The following NSA2 variants were observed in gnomAD, a reference collection of about 807,000 sequenced individuals.
The protein encoded by NSA2 is NSA2 ribosome biogenesis factor, also known as ribosome biogenesis protein NSA2 homolog.
In NSA2, 18 loss-of-function variants were observed where a neutral mutation model predicts 34.8. The ratio of observed to expected loss-of-function variants is 0.52; its 90% CI spans 0.36 to 0.77. The LOEUF (loss-of-function observed/expected upper bound fraction) is 0.77. Ranked by LOEUF, NSA2 falls within the 30% of genes least tolerant of loss-of-function variation. NSA2 has a pLI of 0.00. For missense variants in NSA2, 188 were observed against 314.7 expected (o/e 0.60, Z 3.05); for synonymous variants, 79 against 100.2 (o/e 0.79, Z 1.26).
chr5:74,771,219 G>T (rs1407785542), intron 4 of NSA2, among the ~76,000 whole-genome samples: 1 of 151,644 alleles, frequency 6.6e-6, no homozygotes, highest in East Asian at 1.9e-4. Flanking sequence ...GGCGGAGGTT[G>T]CAGTGAGCTG....
chr5:74,769,510 T>TA (rs1744849065), intron 3 of NSA2, 146 bp downstream of exon 3: 1 of 642,066 alleles, frequency 1.6e-6, no homozygotes, highest in African/African-American at 1.9e-5. Flanking sequence ...GTAAATTTAA[T>TA]AAAAAACTTG....
chr5:74,780,028 T>A lies in NSA2; in HGVS notation c.*3357T>A, dbSNP rs777570421. On this transcript the variant is annotated 3_prime_UTR_variant, in exon 6 of 6. Coordinates refer to ENST00000610426, the MANE Select transcript of NSA2 (RefSeq NM_014886.6). ...AGTGCAAATTTGAGTACACATAATA[T>A]TTCCAAAGAGTAGAACTGTTTTTAG... The A allele has an allele frequency of 2.6e-5, 4 of 152,120 alleles. No homozygotes were observed. The highest frequency in any genetic ancestry group is 5.9e-5 in the Non-Finnish European group (4 of 68,036). The allele number at this position is 152,120 out of a possible 1,614,324, so 9.4% of individuals were successfully genotyped here.
rs952615019 is a variant in NSA2, at chr5:74,778,538, T to C, written c.*1867T>C. 6 of 152,020 alleles carry C rather than the reference T, an allele frequency of 3.9e-5. No homozygotes were observed. The highest frequency in any genetic ancestry group is 5.9e-5 in the Non-Finnish European group (4 of 67,900). 9.4% of individuals were successfully genotyped at this position (152,020 alleles called of 1,614,324 possible). A position where few individuals can be genotyped will look rare whatever the true frequency, so the allele number is the denominator to read the frequency against. ...CCATCTACACTGAATGGAAATACCA[T>C]GAATATAGACACATTTTAAGTAGAA... On this transcript the variant is annotated 3_prime_UTR_variant, in exon 6 of 6. Coordinates refer to ENST00000610426, the MANE Select transcript of NSA2 (RefSeq NM_014886.6).
At chr5:74,773,488 A>T (rs889908443) in intron 4 of NSA2, among the ~76,000 whole-genome samples, 6 of 151,570 alleles carry the variant, frequency 4.0e-5, no homozygotes, top group Admixed American at 1.3e-4. Context: ...AAAAAAAAAA[A>T]AATAAGCTAG....
chr5:74,775,938 TATG>T (rs928861044), intron 5 of NSA2, among the ~76,000 whole-genome samples: 3 of 152,172 alleles, frequency 2.0e-5, no homozygotes, highest in African/African-American at 7.2e-5. Flanking sequence ...AGTTTTAAAA[TATG>T]TTGTTACCTT....
In NSA2 at chr5:74,779,528, ACAGAG is replaced by A. The variant is rs369659863; in HGVS notation, c.*2858_*2862del. ...AAGATTAAGAATTTACTGAATCTTAACAGAGTATTTCCCTTTGTGATATTGACAGA... is the reference window on the plus strand; with the variant it reads ...AAGATTAAGAATTTACTGAATCTTAATATTTCCCTTTGTGATATTGACAGA... On this transcript the variant is annotated 3_prime_UTR_variant, in exon 6 of 6. Coordinates refer to ENST00000610426, the MANE Select transcript of NSA2 (RefSeq NM_014886.6). 657 of 152,304 alleles carry A rather than the reference ACAGAG, an allele frequency of 4.3e-3. 9 individuals carry two copies. The highest frequency in any genetic ancestry group is 0.015 in the African/African-American group (619 of 41,570). The allele number at this position is 152,304 out of a possible 1,614,324, so 9.4% of individuals were successfully genotyped here.
Position 74,768,912 on chromosome 5 carries a change from A to G in NSA2, c.4-19A>G. On this transcript the variant is annotated intron_variant, in intron 1 of 5. Transcript: ENST00000610426. ...CAGTACTTTAAAAAATTAAAATAATATTTCTTCCATCATTATAGCCACAGA... is the reference window on the plus strand; with the variant it reads ...CAGTACTTTAAAAAATTAAAATAATGTTTCTTCCATCATTATAGCCACAGA... 2 of 1,513,124 alleles carry G rather than the reference A, an allele frequency of 1.3e-6. No homozygotes were observed. The highest frequency in any genetic ancestry group is 1.8e-6 in the Non-Finnish European group (2 of 1,126,540). 93.7% of individuals were successfully genotyped at this position (1,513,124 alleles called of 1,614,324 possible). A position where few individuals can be genotyped will look rare whatever the true frequency, so the allele number is the denominator to read the frequency against.
At chr5:74,774,338 C>T (rs747345333) in intron 5 of NSA2, among the ~76,000 whole-genome samples, 3 of 152,152 alleles carry the variant, frequency 2.0e-5, no homozygotes, top group Admixed American at 6.5e-5. Context: ...CAGCAGCTCA[C>T]GCATGTAAAT....
chr5:74,768,324 G>A (rs1164693), intron 1 of NSA2, among the ~76,000 whole-genome samples: 2,224 of 152,282 alleles, frequency 0.015, 22 homozygotes, highest in Middle Eastern at 0.02. Flanking sequence ...CAAATTGGGT[G>A]AATCCCAAAA....
chr5:74,769,153 A>T, intron 2 of NSA2, 35 bp downstream of exon 2: 1 of 1,594,318 alleles, frequency 6.3e-7, no homozygotes, highest in Non-Finnish European at 8.5e-7. Flanking sequence ...TAACAAGTTA[A>T]CATCTTTTGA....
intron 3 of NSA2, among the ~76,000 whole-genome samples, chr5:74,770,023 A>G (rs144085868): frequency 2.2e-3 from 333 of 152,310 alleles, no homozygotes; most frequent in African/African-American, 7.7e-3. Flanking sequence ...TAGTAAACAC[A>G]TATACTGCTT....
chr5:74,775,206 ACT>A (rs752046276), intron 5 of NSA2, among the ~76,000 whole-genome samples: 1 of 150,172 alleles, frequency 6.7e-6, no homozygotes, highest in African/African-American at 2.5e-5. Context: ...ACAGAGCGAG[ACT>A]CTGTCTCAAA....
chr5:74,774,911 C>T (rs539107576), intron 5 of NSA2, among the ~76,000 whole-genome samples: 7 of 152,212 alleles, frequency 4.6e-5, no homozygotes, highest in Admixed American at 2.0e-4. Context: ...ATCTGTCCCA[C>T]GTAGGTAAAC....
At chr5:74,774,151 A>T (rs556093009) in intron 5 of NSA2, 91 bp downstream of exon 5, 12 of 834,558 alleles carry the variant, frequency 1.4e-5, no homozygotes, top group African/African-American at 6.9e-5. Context: ...TATACAGCAA[A>T]TTTTTTTAAT....
intron 4 of NSA2, among the ~76,000 whole-genome samples, chr5:74,771,308 G>A (rs913238164): frequency 6.6e-6 from 1 of 151,834 alleles, no homozygotes; most frequent in African/African-American, 2.4e-5. Flanking sequence ...TTTCAGCTTC[G>A]TGAGAGATTT....
intron 4 of NSA2, chr5:74,771,683 TAA>T (rs1286817045): frequency 2.1e-5 from 3 of 140,030 alleles, no homozygotes; most frequent in African/African-American, 2.6e-5. Context: ...CCATCTCTAC[TAA>T]AAAAAAAAAA....
intron 3 of NSA2, 177 bp downstream of exon 3, chr5:74,769,541 A>G: frequency 2.1e-6 from 1 of 481,158 alleles, no homozygotes; most frequent in Non-Finnish European, 3.5e-6. Flanking sequence ...ATAAGGTTTT[A>G]AAATTTAAGT....
At position 74,777,586 on chromosome 5, in the gene NSA2, GTTTA is replaced by G. The variant is rs1304036697; in HGVS notation, c.*919_*922del. The G allele has an allele frequency of 6.8e-6, 1 of 146,068 alleles. No homozygotes were observed. Among genetic ancestry groups the G allele is most frequent in the African/African-American group, 2.6e-5 (1 of 37,880 alleles). The allele number at this position is 146,068 out of a possible 1,614,324, so 9.0% of individuals were successfully genotyped here. On this transcript the variant is annotated 3_prime_UTR_variant, in exon 6 of 6. Transcript: ENST00000610426. ...TATAATCACCACATTGTTTTAAATTGTTTATTTTTTTTTTAAAGAAGTCTGTCTT... is the reference window on the plus strand; with the variant it reads ...TATAATCACCACATTGTTTTAAATTGTTTTTTTTTTAAAGAAGTCTGTCTT...
intron 5 of NSA2, among the ~76,000 whole-genome samples, chr5:74,775,552 G>C (rs1745082426): frequency 6.6e-6 from 1 of 152,276 alleles, no homozygotes; most frequent in South Asian, 2.1e-4. Context: ...GGAGCTTGCA[G>C]TGAGCTGAGA....
Sources: gnomAD v4.1 joint callset for allele counts (sites outside exome capture counted in the v4.1 genomes callset) on GRCh38, gnomAD v4.1.1 for gene constraint, MANE v1.5 for transcripts, NCBI Gene and HGNC (gene_info 2026-07-23, HGNC 2026-07-21) for gene names.